The following NRF1 variants were observed in gnomAD, a reference collection of about 807,000 sequenced individuals.
NRF1 encodes alpha palindromic-binding protein.
In NRF1, 5 loss-of-function variants were observed where a neutral mutation model predicts 58.5. The ratio of observed to expected loss-of-function variants is 0.09; its 90% CI spans 0.04 to 0.18. The LOEUF (loss-of-function observed/expected upper bound fraction) is 0.18. Among genes scored for constraint, NRF1 ranks in the 10% least tolerant of loss-of-function variants. The probability of loss-of-function intolerance (pLI) is 1.00; values close to 1 mark genes in which losing one functional copy is unlikely to be tolerated. For synonymous variants in NRF1, 224 were observed against 246.7 expected, an observed-to-expected ratio of 0.91 and a Z score of 0.86; for missense variants, 288 against 657.7, an observed-to-expected ratio of 0.44 and a Z score of 6.15.
chr7:129,656,997 T>C (rs759808408), intron 1 of NRF1, among the ~76,000 whole-genome samples: 7 of 152,256 alleles, frequency 4.6e-5, no homozygotes, highest in Admixed American at 6.5e-5. Context: ...TAAGTGTTCT[T>C]ATGTTCACAA....
At chr7:129,676,562 G>T (rs759683951) in intron 3 of NRF1, among the ~76,000 whole-genome samples, 10 of 152,222 alleles carry the variant, frequency 6.6e-5, no homozygotes, top group Admixed American at 2.6e-4. Context: ...TATCAGTCAA[G>T]TTTGCCATCT....
At chr7:129,690,357 T>A in intron 4 of NRF1, 49 bp from the exon 5 acceptor site, 2 of 1,587,580 alleles carry the variant, frequency 1.3e-6, no homozygotes, top group Non-Finnish European at 1.7e-6. Context: ...GCACCAATCC[T>A]CCCTGGTTGT....
chr7:129,636,633 C>T (rs1156665382), intron 1 of NRF1, among the ~76,000 whole-genome samples: 2 of 152,150 alleles, frequency 1.3e-5, no homozygotes, highest in Non-Finnish European at 2.9e-5. Flanking sequence ...CTCACTAAGC[C>T]ATTGGGGTGT....
intron 1 of NRF1, among the ~76,000 whole-genome samples, chr7:129,653,274 G>A (rs1801577905): frequency 1.3e-5 from 2 of 152,156 alleles, no homozygotes; most frequent in Non-Finnish European, 2.9e-5. Context: ...TTAAAAATTG[G>A]TTTTAAATAA....
At chr7:129,643,269 T>C (rs1801334972) in intron 1 of NRF1, among the ~76,000 whole-genome samples, 2 of 152,132 alleles carry the variant, frequency 1.3e-5, no homozygotes, top group Non-Finnish European at 2.9e-5. Flanking sequence ...CTGTTGGTTG[T>C]GTAGTGACAG....
At chr7:129,652,999 G>A (rs1801571680) in intron 1 of NRF1, among the ~76,000 whole-genome samples, 1 of 152,120 alleles carries the variant, frequency 6.6e-6, no homozygotes, top group Non-Finnish European at 1.5e-5. Flanking sequence ...ATCATTTTTA[G>A]GCATATAGTT....
chr7:129,671,885 G>A (rs750946073), intron 3 of NRF1, among the ~76,000 whole-genome samples: 19 of 152,176 alleles, frequency 1.2e-4, no homozygotes, highest in Non-Finnish European at 2.5e-4. Flanking sequence ...CAATATGTCA[G>A]CTGATGATAA....
intron 10 of NRF1, among the ~76,000 whole-genome samples, chr7:129,734,648 GT>G (rs1803664267): frequency 6.6e-6 from 1 of 152,194 alleles, no homozygotes; most frequent in South Asian, 2.1e-4. Context: ...GAGCCGACAG[GT>G]CTGTATGCTT....
chr7:129,614,466 TACA>T (rs1800619105), intron 1 of NRF1, among the ~76,000 whole-genome samples: 4 of 124,186 alleles, frequency 3.2e-5, no homozygotes, highest in Admixed American at 8.6e-5. Flanking sequence ...TGTGTGTGTG[TACA>T]TACATATATA....
chr7:129,613,215 T>TTTAAAAAA (rs1800581288), intron 1 of NRF1, among the ~76,000 whole-genome samples: 1 of 152,186 alleles, frequency 6.6e-6, no homozygotes, highest in African/African-American at 2.4e-5. Flanking sequence ...AGCCTAGCCT[T>TTTAAAAAA]TTAAAAAATT....
intron 2 of NRF1, among the ~76,000 whole-genome samples, chr7:129,665,415 A>G (rs1295205971): frequency 6.6e-6 from 1 of 152,232 alleles, no homozygotes; most frequent in Non-Finnish European, 1.5e-5. Flanking sequence ...GACCCAGAAA[A>G]GGTAAATGAC....
intron 4 of NRF1, among the ~76,000 whole-genome samples, chr7:129,680,171 ATTT>A (rs1399836233): frequency 6.6e-6 from 1 of 152,206 alleles, no homozygotes; most frequent in Non-Finnish European, 1.5e-5. Context: ...ATAAATAATT[ATTT>A]ATCATTAATC....
At chr7:129,638,966 T>A (rs1056328773) in intron 1 of NRF1, among the ~76,000 whole-genome samples, 3 of 152,226 alleles carry the variant, frequency 2.0e-5, no homozygotes, top group Non-Finnish European at 2.9e-5. Flanking sequence ...TTTTTCCTTC[T>A]TACTACTGTG....
chr7:129,676,386 G>C (rs1802179506), intron 3 of NRF1, among the ~76,000 whole-genome samples: 3 of 152,188 alleles, frequency 2.0e-5, no homozygotes, highest in Admixed American at 2.0e-4. Context: ...TTGATTAAAA[G>C]TGGGAGATGT....
chr7:129,737,761 A>G (rs770202584), intron 10 of NRF1, among the ~76,000 whole-genome samples: 11 of 152,232 alleles, frequency 7.2e-5, no homozygotes, highest in African/African-American at 1.4e-4. Flanking sequence ...AAATAAATGA[A>G]TGTATTAAAT....
intron 10 of NRF1, among the ~76,000 whole-genome samples, chr7:129,727,816 C>G (rs551000820): frequency 1.3e-5 from 2 of 152,290 alleles, no homozygotes; most frequent in African/African-American, 4.8e-5. Context: ...AGGCAGCAGG[C>G]TGTGATGCCG....
intron 4 of NRF1, among the ~76,000 whole-genome samples, chr7:129,682,671 G>A (rs1008822230): frequency 6.7e-6 from 1 of 149,536 alleles, no homozygotes; most frequent in Non-Finnish European, 1.5e-5. Flanking sequence ...GTGTGGTGGT[G>A]TGCACTTGTA....
chr7:129,629,371 C>T (rs903086499), intron 1 of NRF1, among the ~76,000 whole-genome samples: 4 of 151,828 alleles, frequency 2.6e-5, no homozygotes, highest in Admixed American at 1.3e-4. Context: ...CTCCGCCTCC[C>T]GGGTTCAAGC....
rs1562957544 is a variant in NRF1 at position 129,642,756 on chromosome 7, A to ACTTTTTTTTTTTT, written c.-6-14590_-6-14589insCTTTTTTTTTTTT. On this transcript the variant is annotated intron_variant, in intron 1 of 10. Transcript: ENST00000393232. ...TTCTAAAAGAATACATTCTTTAAAA[A>ACTTTTTTTTTTTT]ATTTTTTTTTTTTTTTTTTTAAATG... is the stretch of plus-strand genomic sequence containing the variant. 1.2e-4 allele frequency among the ~76,000 whole-genome samples: 16 copies of ACTTTTTTTTTTTT among 131,684 alleles called. 1 individual carries two copies. In the East Asian group the frequency reaches 1.3e-3, roughly 11 times the overall value. 86.4% of individuals were successfully genotyped at this position (131,684 alleles called of 152,430 possible). A position where few individuals can be genotyped will look rare whatever the true frequency, so the allele number is the denominator to read the frequency against.
Sources: allele counts gnomAD v4.1 joint callset (sites outside exome capture counted in the v4.1 genomes callset), GRCh38; gene constraint gnomAD v4.1.1; transcripts MANE v1.5; gene names NCBI Gene and HGNC (gene_info 2026-07-23, HGNC 2026-07-21).